Variants in TMEFF2 observed in about 807,000 individuals in gnomAD.
The protein encoded by TMEFF2 is tomoregulin-2.
TMEFF2 carries 28 observed loss-of-function variants against 53.8 expected under a neutral mutation model. That is an observed-to-expected ratio of 0.52 (90% CI 0.39 to 0.71). The LOEUF (loss-of-function observed/expected upper bound fraction) is 0.71, where lower values mean the gene tolerates loss of function less well. TMEFF2 is among the 30% of genes least tolerant of loss of function. The pLI, the probability that TMEFF2 is intolerant of heterozygous loss-of-function variation, is 0.00. For synonymous variants in TMEFF2, 162 were observed against 166.3 expected, an observed-to-expected ratio of 0.97 and a Z score of 0.20; for missense variants, 353 against 455.2, an observed-to-expected ratio of 0.78 and a Z score of 2.04.
intron 4 of TMEFF2, among the ~76,000 whole-genome samples, chr2:192,097,526 CCATACACTCTT>C (rs1317252234): frequency 1.3e-5 from 2 of 152,198 alleles, no homozygotes; most frequent in African/African-American, 4.8e-5. Context: ...AATGGACCTA[CCATACACTCTT>C]CTCTCAGAGA....
chr2:192,118,523 G>A (rs1467168630), intron 4 of TMEFF2, among the ~76,000 whole-genome samples: 1 of 152,166 alleles, frequency 6.6e-6, no homozygotes, highest in Non-Finnish European at 1.5e-5. Context: ...GTTCAGAAAT[G>A]CCTCTATGGG....
intron 4 of TMEFF2, among the ~76,000 whole-genome samples, chr2:192,096,443 C>T (rs978905527): frequency 1.3e-5 from 2 of 151,956 alleles, no homozygotes; most frequent in Non-Finnish European, 2.9e-5. Flanking sequence ...AGAGATATTC[C>T]TTGCATGACT....
At chr2:192,150,695 G>GTT (rs11375610) in intron 4 of TMEFF2, among the ~76,000 whole-genome samples, 2,782 of 143,660 alleles carry the variant, frequency 0.019, 50 homozygotes, top group South Asian at 0.065. Context: ...GACACTTCAT[G>GTT]TTTTTTTTTT....
intron 5 of TMEFF2, among the ~76,000 whole-genome samples, chr2:192,015,001 A>G (rs1281651167): frequency 6.6e-6 from 1 of 152,192 alleles, no homozygotes; most frequent in Non-Finnish European, 1.5e-5. Context: ...CAGTAAATGT[A>G]GTTAATAAGG....
intron 4 of TMEFF2, among the ~76,000 whole-genome samples, chr2:192,130,860 C>A (rs1398919567): frequency 2.0e-5 from 3 of 150,568 alleles, no homozygotes; most frequent in African/African-American, 4.9e-5. Context: ...GGGGTAGAGA[C>A]AAGGAGAGAA....
At position 191,949,501 on chromosome 2, in the gene TMEFF2, A is replaced by AT; in HGVS notation, c.*809dup. 3.0e-6 allele frequency: 3 copies of AT among 985,218 alleles called. No homozygotes were observed. The highest frequency in any genetic ancestry group is 3.6e-6 in the Non-Finnish European group (3 of 829,876). The allele number at this position is 985,218 out of a possible 1,614,324, so 61.0% of individuals were successfully genotyped here. A position where few individuals can be genotyped will look rare whatever the true frequency, so the allele number is the denominator to read the frequency against. On this transcript the variant is annotated 3_prime_UTR_variant, in exon 10 of 10. Transcript: ENST00000272771. ...GTTTCACATCTAGTGGTGTTATTAC[A>AT]TTTTTCCCCTGGTAATTCCACCCAC...
At chr2:191,957,369 T>A (rs927608197) in intron 7 of TMEFF2, among the ~76,000 whole-genome samples, 2 of 148,604 alleles carry the variant, frequency 1.3e-5, no homozygotes, top group Admixed American at 1.3e-4. Context: ...CTGAAGACAC[T>A]CTTCAATCTG....
rs1277913786 is a variant in TMEFF2 at position 192,133,695 on chromosome 2, G to C, written c.439+45973C>G. Among the ~76,000 whole-genome samples, 4 of 151,952 alleles carry C rather than the reference G, an allele frequency of 2.6e-5. No homozygotes were observed. The South Asian group carries it at 6.2e-4, about 24-fold the overall frequency. ...GCTTTCTTTACTACTCCTTTGCACG[G>C]GTCATCCCAGCCTCTCTTCGCTTTC... On this transcript the variant is annotated intron_variant, in intron 4 of 9. Transcript: ENST00000272771.
At chr2:191,986,067 C>T (rs1302900324) in intron 7 of TMEFF2, among the ~76,000 whole-genome samples, 2 of 152,176 alleles carry the variant, frequency 1.3e-5, no homozygotes, top group Non-Finnish European at 2.9e-5. Context: ...ACATTTTGTT[C>T]CATGAGCAAC....
At chr2:192,091,249 A>G (rs1688783402) in intron 4 of TMEFF2, among the ~76,000 whole-genome samples, 1 of 152,168 alleles carries the variant, frequency 6.6e-6, no homozygotes, top group African/African-American at 2.4e-5. Flanking sequence ...TCAAACACCT[A>G]TTCGTGAATG....
At chr2:192,041,820 G>A (rs920871404) in intron 5 of TMEFF2, among the ~76,000 whole-genome samples, 6 of 152,114 alleles carry the variant, frequency 3.9e-5, no homozygotes, top group African/African-American at 1.2e-4. Context: ...GGGGATCAGC[G>A]GGTCAGTAAA....
chr2:192,037,479 G>C (rs1425846920), intron 5 of TMEFF2, among the ~76,000 whole-genome samples: 1 of 151,692 alleles, frequency 6.6e-6, no homozygotes, highest in Admixed American at 6.6e-5. Flanking sequence ...AGGAAAGGCA[G>C]GTCCACGATA....
chr2:192,096,424 C>G (rs1380966988), intron 4 of TMEFF2, among the ~76,000 whole-genome samples: 1 of 152,024 alleles, frequency 6.6e-6, no homozygotes, highest in Non-Finnish European at 1.5e-5. Flanking sequence ...AATACTCATT[C>G]TACATATAAG....
At chr2:192,108,531 A>C (rs190849839) in intron 4 of TMEFF2, among the ~76,000 whole-genome samples, 301 of 152,066 alleles carry the variant, frequency 2.0e-3, no homozygotes, top group African/African-American at 7.2e-3. Context: ...TATGATTTCT[A>C]AATTATCAAA....
intron 5 of TMEFF2, among the ~76,000 whole-genome samples, chr2:192,037,273 T>TGAAAGAAAG (rs1553515679): frequency 1.1e-5 from 1 of 94,738 alleles, no homozygotes; most frequent in Non-Finnish European, 2.0e-5. Flanking sequence ...CTAGCCAAAA[T>TGAAAGAAAG]AAAGAAAGAA....
chr2:191,986,859 GAAA>G (rs35061261), intron 7 of TMEFF2, among the ~76,000 whole-genome samples: 2 of 76,528 alleles, frequency 2.6e-5, no homozygotes, highest in Non-Finnish European at 5.3e-5. Flanking sequence ...CTCCGTCTCA[GAAA>G]AAAAAAAAAA....
intron 9 of TMEFF2, 75 bp downstream of exon 9, chr2:191,953,604 T>C: frequency 6.5e-7 from 1 of 1,541,232 alleles, no homozygotes; most frequent in Non-Finnish European, 8.8e-7. Context: ...GGAACTCACC[T>C]CGGAGGGATC....
chr2:191,964,333 C>CTTCCTTCTTTCT (rs1692371375), intron 7 of TMEFF2, among the ~76,000 whole-genome samples: 1 of 71,494 alleles, frequency 1.4e-5, no homozygotes, highest in Admixed American at 1.7e-4. Flanking sequence ...CCTTTCTTTC[C>CTTCCTTCTTTCT]TTCTTTCTTT....
At chr2:192,096,668 CTCTTTTTTT>C (rs1688914083) in intron 4 of TMEFF2, among the ~76,000 whole-genome samples, 11 of 45,836 alleles carry the variant, frequency 2.4e-4, no homozygotes, top group African/African-American at 7.4e-4. Context: ...CTCTCTCTCT[CTCTTTTTTT>C]TTTTTTTTTT....
Sources: gnomAD v4.1 joint callset for allele counts (sites outside exome capture counted in the v4.1 genomes callset) on GRCh38, gnomAD v4.1.1 for gene constraint, MANE v1.5 for transcripts, NCBI Gene and HGNC (gene_info 2026-07-23, HGNC 2026-07-21) for gene names.